PPP1R14D: variants seen among roughly 807,000 people sequenced by gnomAD.
The protein encoded by PPP1R14D is protein phosphatase 1 regulatory subunit 14D.
PPP1R14D carries 14 observed loss-of-function variants against 17.1 expected under a neutral mutation model. That is an observed-to-expected ratio of 0.82 (90% confidence interval 0.54 to 1.28). The LOEUF (loss-of-function observed/expected upper bound fraction) is 1.28, where lower values mean the gene tolerates loss of function less well. Ranked by LOEUF, PPP1R14D falls within the 50% of genes most tolerant of loss-of-function variation. PPP1R14D has a pLI of 0.00. For missense variants in PPP1R14D, 173 were observed against 179.2 expected, an observed-to-expected ratio of 0.97 and a Z score of 0.20; for synonymous variants, 67 against 66.1, an observed-to-expected ratio of 1.01 and a Z score of -0.06.
intron 1 of PPP1R14D, among the ~76,000 whole-genome samples, chr15:40,826,841 G>T (rs1438301565): frequency 6.6e-6 from 1 of 152,204 alleles, no homozygotes; most frequent in Non-Finnish European, 1.5e-5. Flanking sequence ...ATGGAGTTGT[G>T]GGAAGGATTA....
At chr15:40,828,337 G>C (rs750933982) in intron 1 of PPP1R14D, 50 bp downstream of exon 1, 7 of 1,529,864 alleles carry the variant, frequency 4.6e-6, no homozygotes, top group Non-Finnish European at 6.1e-6. Flanking sequence ...TCAGTGCCCT[G>C]GGTGGACCCC....
intron 1 of PPP1R14D, among the ~76,000 whole-genome samples, chr15:40,818,153 G>A (rs1596124817): frequency 8.8e-6 from 1 of 113,930 alleles, no homozygotes; most frequent in East Asian, 2.3e-4. Flanking sequence ...AGCTGGGCGT[G>A]GTGGTGGGTG....
chr15:40,826,642 C>T (rs546932742), intron 1 of PPP1R14D, among the ~76,000 whole-genome samples: 2 of 152,160 alleles, frequency 1.3e-5, no homozygotes, highest in Non-Finnish European at 2.9e-5. Context: ...AGTTACTCAA[C>T]ATCTGTAAAC....
intron 1 of PPP1R14D, among the ~76,000 whole-genome samples, chr15:40,825,208 C>A (rs370325112): frequency 2.6e-5 from 4 of 151,428 alleles, no homozygotes; most frequent in East Asian, 3.9e-4. Flanking sequence ...TCACTTGAAC[C>A]TGGGAGGCGG....
intron 1 of PPP1R14D, among the ~76,000 whole-genome samples, chr15:40,816,705 G>C (rs928458301): frequency 3.3e-5 from 5 of 151,948 alleles, no homozygotes; most frequent in Non-Finnish European, 7.4e-5. Context: ...GGGTGACAGA[G>C]GGAGACTTCG....
chr15:40,815,813 A>G (rs1468857669), intron 3 of PPP1R14D, 52 bp from the exon 4 acceptor site: 1 of 843,998 alleles, frequency 1.2e-6, no homozygotes, highest in Admixed American at 2.3e-5. Context: ...TTCACCCCCC[A>G]CCCTGCCCTC....
rs1342698703 is a variant in PPP1R14D, at chr15:40,816,404, T to C, written c.256-151A>G. 4.4e-6 allele frequency: 3 copies of C among 681,044 alleles called. No homozygotes were observed. The African/African-American group carries it at 5.4e-5, about 12-fold the overall frequency. The allele number at this position is 681,044 out of a possible 1,614,324, so 42.2% of individuals were successfully genotyped here. A position where few individuals can be genotyped will look rare whatever the true frequency, so the allele number is the denominator to read the frequency against. The stretch of plus-strand genomic sequence containing the variant: ...ACCCATTCAGTTTTCCATTCAACAG[T>C]AATTTACTAAACATATACTATATTT... On this transcript the variant is annotated intron_variant, in intron 1 of 3. Transcript: ENST00000299174.
intron 1 of PPP1R14D, among the ~76,000 whole-genome samples, chr15:40,827,047 G>C (rs972142881): frequency 2.0e-5 from 3 of 152,220 alleles, no homozygotes; most frequent in Non-Finnish European, 4.4e-5. Context: ...AAGAGTGTTA[G>C]TCAGAGCCAG....
chr15:40,826,403 C>T (rs1890869573), intron 1 of PPP1R14D, among the ~76,000 whole-genome samples: 1 of 152,202 alleles, frequency 6.6e-6, no homozygotes, highest in African/African-American at 2.4e-5. Flanking sequence ...TCCTGACTAG[C>T]TTGGCGTATG....
Position 40,818,300 on chromosome 15 carries a change from A to C in PPP1R14D, c.256-2047T>G, listed in dbSNP as rs1890710536. On this transcript the variant is annotated intron_variant, in intron 1 of 3. Transcript: ENST00000299174. Reference sequence around the variant, plus strand: ...CGAGACTCCATCTCAAAAAAAAAAAAAAAAAAAAAAAACCACACATGCACA... The same window carrying C: ...CGAGACTCCATCTCAAAAAAAAAAACAAAAAAAAAAAACCACACATGCACA... 5.3e-5 allele frequency among the ~76,000 whole-genome samples: 8 copies of C among 151,316 alleles called. 1 individual carries two copies. The highest frequency in any genetic ancestry group is 4.6e-4 in the Admixed American group (7 of 15,204).
At chr15:40,825,158 G>A (rs891435800) in intron 1 of PPP1R14D, among the ~76,000 whole-genome samples, 1 of 151,734 alleles carries the variant, frequency 6.6e-6, no homozygotes, top group Admixed American at 6.6e-5. Flanking sequence ...GGTGGTCGGC[G>A]CCTGTAATCC....
At chr15:40,825,994 T>C (rs1199435931) in intron 1 of PPP1R14D, among the ~76,000 whole-genome samples, 2 of 152,186 alleles carry the variant, frequency 1.3e-5, no homozygotes, top group East Asian at 3.8e-4. Flanking sequence ...TGTCAGAAAT[T>C]TGAGACTGTA....
At chr15:40,825,157 C>T (rs1377032788) in intron 1 of PPP1R14D, among the ~76,000 whole-genome samples, 1 of 151,622 alleles carries the variant, frequency 6.6e-6, no homozygotes, top group Non-Finnish European at 1.5e-5. Context: ...TGGTGGTCGG[C>T]GCCTGTAATC....
chr15:40,824,438 A>G (rs1596129025), intron 1 of PPP1R14D, among the ~76,000 whole-genome samples: 2 of 151,352 alleles, frequency 1.3e-5, no homozygotes, highest in Non-Finnish European at 2.9e-5. Context: ...TGGCACGATC[A>G]TGGCTTACTG....
chr15:40,823,887 G>C (rs945225890), intron 1 of PPP1R14D, among the ~76,000 whole-genome samples: 1 of 151,802 alleles, frequency 6.6e-6, no homozygotes, highest in African/African-American at 2.4e-5. Flanking sequence ...CTGCCACTGG[G>C]GTGCAGTGGC....
chr15:40,815,851 CAGAGAAGGGAGA>C, intron 3 of PPP1R14D, 90 bp from the exon 4 acceptor site: 1 of 1,525,392 alleles, frequency 6.6e-7, no homozygotes, highest in Non-Finnish European at 9.0e-7. Context: ...CCTGACTCCC[CAGAGAAGGGAGA>C]AGGACCCACA....
Position 40,816,163 on chromosome 15 carries a change from A to T in PPP1R14D, c.339+7T>A, listed in dbSNP as rs919778671. Reference sequence around the variant, plus strand: ...GACCCAAGGCCAGCTTCTAGCCCCCATCCTACCTCCAGCTGAGTCTTCTGC... The same window carrying T: ...GACCCAAGGCCAGCTTCTAGCCCCCTTCCTACCTCCAGCTGAGTCTTCTGC... On this transcript the variant is annotated splice_region_variant and intron_variant, in intron 2 of 3. Coordinates refer to ENST00000299174, the MANE Select transcript of PPP1R14D (RefSeq NM_017726.8). 6.2e-7 allele frequency: 1 copy of T among 1,613,806 alleles called. No individual in the cohort carries two copies. The highest frequency in any genetic ancestry group is 1.1e-5 in the South Asian group (1 of 91,070).
chr15:40,822,101 A>AC (rs1356815225), intron 1 of PPP1R14D, among the ~76,000 whole-genome samples: 3 of 152,066 alleles, frequency 2.0e-5, no homozygotes, highest in African/African-American at 4.8e-5. Flanking sequence ...AACATGGCAG[A>AC]CCCCATCTCT....
chr15:40,820,338 T>C (rs1036842986), intron 1 of PPP1R14D, among the ~76,000 whole-genome samples: 4 of 150,818 alleles, frequency 2.7e-5, no homozygotes, highest in Non-Finnish European at 5.9e-5. Context: ...TTTGTATTTT[T>C]AGTAGAGATG....
Sources: allele counts gnomAD v4.1 joint callset (sites outside exome capture counted in the v4.1 genomes callset), GRCh38; gene constraint gnomAD v4.1.1; transcripts MANE v1.5; gene names NCBI Gene and HGNC (gene_info 2026-07-23, HGNC 2026-07-21).